Variants in PPP2R2B observed in about 807,000 individuals in gnomAD.
PPP2R2B encodes the protein serine/threonine-protein phosphatase 2A 55 kDa regulatory subunit B beta isoform.
A neutral mutation model predicts 46.0 loss-of-function variants in PPP2R2B; 5 were observed. The observed-to-expected ratio is 0.11, with a 90% CI of 0.06 to 0.23. The LOEUF is 0.23. PPP2R2B is among the 10% of genes least tolerant of loss of function. The pLI is 1.00. For missense variants in PPP2R2B, 367 were observed against 575.0 expected, an observed-to-expected ratio of 0.64 and a Z score of 3.70; for synonymous variants, 215 against 206.7, an observed-to-expected ratio of 1.04 and a Z score of -0.34.
At chr5:146,597,453 C>G (rs1008964208) in intron 8 of PPP2R2B, among the ~76,000 whole-genome samples, 1 of 152,184 alleles carries the variant, frequency 6.6e-6, no homozygotes, top group Non-Finnish European at 1.5e-5. Context: ...TTCGATTCAG[C>G]AGTACATCGT....
At chr5:146,851,691 C>G (rs573805855) in intron 2 of PPP2R2B, among the ~76,000 whole-genome samples, 1 of 151,954 alleles carries the variant, frequency 6.6e-6, no homozygotes, top group African/African-American at 2.4e-5. Context: ...CAAGGTATAC[C>G]TTTTCTAAGG....
At chr5:146,968,259 G>A (rs888519637) in intron 1 of PPP2R2B, among the ~76,000 whole-genome samples, 2 of 152,146 alleles carry the variant, frequency 1.3e-5, no homozygotes, top group Non-Finnish European at 1.5e-5. Context: ...CAGTGATGGT[G>A]TTTAGGGACA....
intron 4 of PPP2R2B, among the ~76,000 whole-genome samples, chr5:146,693,129 T>C (rs927139706): frequency 1.3e-5 from 2 of 151,764 alleles, no homozygotes; most frequent in Non-Finnish European, 2.9e-5. Flanking sequence ...CTCTCCTTCC[T>C]TCCCTCCCTC....
chr5:146,962,693 A>G (rs1752226920), intron 1 of PPP2R2B, among the ~76,000 whole-genome samples: 2 of 152,088 alleles, frequency 1.3e-5, no homozygotes. Flanking sequence ...TGGAGCCAAT[A>G]CCAATTGATG....
intron 1 of PPP2R2B, chr5:146,919,826 T>A (rs1023721372): frequency 6.6e-6 from 1 of 152,220 alleles, no homozygotes; most frequent in African/African-American, 2.4e-5. Context: ...AAAAGCTCAG[T>A]AGTTTCAATT....
intron 1 of PPP2R2B, among the ~76,000 whole-genome samples, chr5:146,981,284 G>A (rs1475876595): frequency 6.6e-6 from 1 of 151,910 alleles, no homozygotes; most frequent in Non-Finnish European, 1.5e-5. Context: ...GAGAGTCTTG[G>A]GTGGTAAATT....
intron 1 of PPP2R2B, among the ~76,000 whole-genome samples, chr5:147,017,674 G>C (rs909899244): frequency 1.0e-4 from 15 of 148,930 alleles, no homozygotes; most frequent in Non-Finnish European, 1.0e-4. Context: ...ATTGATCAAT[G>C]GTATCAAATG....
At chr5:146,805,322 C>T (rs1045139369) in intron 2 of PPP2R2B, among the ~76,000 whole-genome samples, 5 of 152,166 alleles carry the variant, frequency 3.3e-5, no homozygotes, top group Non-Finnish European at 7.4e-5. Context: ...ACTCAAGGAA[C>T]ATTCACCCCT....
chr5:146,590,539 A>C (rs747032697), intron 9 of PPP2R2B, among the ~76,000 whole-genome samples: 1 of 151,906 alleles, frequency 6.6e-6, no homozygotes, highest in Non-Finnish European at 1.5e-5. Flanking sequence ...AAAGGTGTCC[A>C]CTGGTTTTAA....
At chr5:147,037,063 G>A (rs138225537) in intron 1 of PPP2R2B, among the ~76,000 whole-genome samples, 1 of 152,152 alleles carries the variant, frequency 6.6e-6, no homozygotes, top group African/African-American at 2.4e-5. Context: ...CTTTGCCCAC[G>A]TTAGCATACA....
chr5:146,888,788 C>T (rs1375248407), intron 1 of PPP2R2B, among the ~76,000 whole-genome samples: 5 of 152,178 alleles, frequency 3.3e-5, no homozygotes, highest in African/African-American at 9.6e-5. Flanking sequence ...ACTCCCACTC[C>T]AAGACCTTTG....
rs1239775134 is a variant in PPP2R2B at position 146,664,004 on chromosome 5, G to A, written c.448-13280C>T. ...TTACAGGCACGTGCCACCACGCCTG[G>A]GTAATTTTTGTATTTTTAGTAGAGA... On this transcript the variant is annotated intron_variant, in intron 5 of 9. Coordinates refer to ENST00000394411, the MANE Select transcript of PPP2R2B (RefSeq NM_181675.4). 3.9e-5 allele frequency among the ~76,000 whole-genome samples: 6 copies of A among 151,924 alleles called. No individual in the cohort carries two copies. The East Asian group carries it at 1.2e-3, about 29-fold the overall frequency.
intron 5 of PPP2R2B, among the ~76,000 whole-genome samples, chr5:146,661,040 T>C (rs1776636119): frequency 6.6e-6 from 1 of 152,216 alleles, no homozygotes; most frequent in Non-Finnish European, 1.5e-5. Context: ...AAGTTGTTTT[T>C]AAAGAAATGA....
intron 2 of PPP2R2B, among the ~76,000 whole-genome samples, chr5:146,712,328 T>C (rs1457709232): frequency 1.3e-5 from 2 of 152,158 alleles, no homozygotes; most frequent in African/African-American, 2.4e-5. Flanking sequence ...TTTTGGATAA[T>C]ATGCATATTT....
At chr5:147,040,664 C>A in intron 1 of PPP2R2B, 1 of 420,872 alleles carries the variant, frequency 2.4e-6, no homozygotes, top group Admixed American at 2.9e-5. Flanking sequence ...TAACATATAC[C>A]CTGGCCCTGA....
chr5:146,945,732 T>C (rs1764459314), intron 1 of PPP2R2B, among the ~76,000 whole-genome samples: 1 of 152,222 alleles, frequency 6.6e-6, no homozygotes, highest in African/African-American at 2.4e-5. Flanking sequence ...TAACATAGTT[T>C]TATATTGTGT....
chr5:146,668,827 C>A (rs1777170016), intron 5 of PPP2R2B, among the ~76,000 whole-genome samples: 1 of 152,136 alleles, frequency 6.6e-6, no homozygotes, highest in African/African-American at 2.4e-5. Context: ...CCTCTTTGCC[C>A]CCAAATGTTG....
intron 2 of PPP2R2B, among the ~76,000 whole-genome samples, chr5:146,716,118 A>T (rs965057019): frequency 6.6e-6 from 1 of 152,188 alleles, no homozygotes; most frequent in Non-Finnish European, 1.5e-5. Flanking sequence ...AGGACCTAGC[A>T]TAGGGACTGG....
At chr5:146,907,117 A>T (rs1383361634) in intron 1 of PPP2R2B, among the ~76,000 whole-genome samples, 1 of 152,162 alleles carries the variant, frequency 6.6e-6, no homozygotes, top group Non-Finnish European at 1.5e-5. Flanking sequence ...AAAGTACAGG[A>T]GGCTTTTGTG....
Sources: allele counts gnomAD v4.1 joint callset (sites outside exome capture counted in the v4.1 genomes callset), GRCh38; gene constraint gnomAD v4.1.1; transcripts MANE v1.5; gene names NCBI Gene and HGNC (gene_info 2026-07-23, HGNC 2026-07-21).